The following WDPCP variants were observed in gnomAD, a reference collection of about 807,000 sequenced individuals.
WDPCP encodes the protein WD repeat containing planar cell polarity effector.
In WDPCP, 71 loss-of-function variants were observed where a neutral mutation model predicts 93.1. The observed-to-expected ratio is 0.76, with a 90% confidence interval of 0.63 to 0.93. WDPCP has a LOEUF of 0.93. Among genes scored for constraint, WDPCP ranks in the 40% least tolerant of loss-of-function variants. WDPCP has a pLI of 0.00. For missense variants in WDPCP, 844 were observed against 887.4 expected (o/e 0.95, Z 0.62); for synonymous variants, 315 against 315.0 (o/e 1.00, Z 0.00).
chr2:63,503,257 C>A (rs1380790577), intron 1 of WDPCP, among the ~76,000 whole-genome samples: 1 of 152,260 alleles, frequency 6.6e-6, no homozygotes, highest in Non-Finnish European at 1.5e-5. Context: ...TCATTACATG[C>A]AACAAATTAA....
At chr2:63,434,447 T>G (rs1181051911) in intron 8 of WDPCP, among the ~76,000 whole-genome samples, 1 of 152,194 alleles carries the variant, frequency 6.6e-6, no homozygotes, top group African/African-American at 2.4e-5. Context: ...AGCCACAGCA[T>G]CATGCATAAA....
chr2:63,191,935 A>C (rs753336128), intron 14 of WDPCP, among the ~76,000 whole-genome samples: 1 of 152,186 alleles, frequency 6.6e-6, no homozygotes, highest in Non-Finnish European at 1.5e-5. Flanking sequence ...CTTTTGTACT[A>C]TAGTGTCGGA....
chr2:63,682,653 AC>A (rs1379941740), intron 2 of WDPCP, among the ~76,000 whole-genome samples: 1 of 152,162 alleles, frequency 6.6e-6, no homozygotes, highest in African/African-American at 2.4e-5. Context: ...AACTTTCTAA[AC>A]CTAGAGAAAG....
chr2:63,536,383 T>C (rs1330657986), intron 1 of WDPCP, among the ~76,000 whole-genome samples: 2 of 152,176 alleles, frequency 1.3e-5, no homozygotes, highest in Non-Finnish European at 2.9e-5. Flanking sequence ...GGATTATAAA[T>C]CATGCTGCTA....
At chr2:63,578,150 T>C (rs1479446728) in intron 1 of WDPCP, among the ~76,000 whole-genome samples, 1 of 152,204 alleles carries the variant, frequency 6.6e-6, no homozygotes, top group African/African-American at 2.4e-5. Flanking sequence ...TAAGGCAGAC[T>C]CAATTAACAG....
At chr2:63,247,181 T>C (rs1050611752) in intron 14 of WDPCP, among the ~76,000 whole-genome samples, 1 of 152,210 alleles carries the variant, frequency 6.6e-6, no homozygotes, top group Non-Finnish European at 1.5e-5. Context: ...GCTGCTGTTT[T>C]TCTCACCCAG....
At chr2:63,770,027 T>C (rs2103942625) in intron 2 of WDPCP, among the ~76,000 whole-genome samples, 1 of 151,890 alleles carries the variant, frequency 6.6e-6, no homozygotes, top group African/African-American at 2.4e-5. Flanking sequence ...AAATTTCAAA[T>C]GATTGAAATG....
At chr2:63,480,527 TA>T (rs1290093052) in intron 6 of WDPCP, among the ~76,000 whole-genome samples, 1 of 152,056 alleles carries the variant, frequency 6.6e-6, no homozygotes, top group African/African-American at 2.4e-5. Context: ...AGTGCTGGTA[TA>T]AAAATAGGCA....
intron 14 of WDPCP, among the ~76,000 whole-genome samples, chr2:63,209,698 A>G (rs975529940): frequency 6.6e-6 from 1 of 152,214 alleles, no homozygotes; most frequent in Non-Finnish European, 1.5e-5. Context: ...CTTCAATGAC[A>G]GCATCTTTTT....
chr2:63,290,248 A>T (rs1379762604), intron 13 of WDPCP, among the ~76,000 whole-genome samples: 1 of 151,858 alleles, frequency 6.6e-6, no homozygotes, highest in Non-Finnish European at 1.5e-5. Context: ...CATTTTTTTT[A>T]AAATCCTCTT....
chr2:63,437,553 A>G lies in WDPCP; in HGVS notation c.501T>C (p.Ala167=). 6.3e-7 allele frequency: 1 copy of G among 1,585,230 alleles called. No homozygotes were observed. The highest frequency in any genetic ancestry group is 8.6e-7 in the Non-Finnish European group (1 of 1,165,516). Residue 167 remains alanine (A), a splice_region_variant and synonymous_variant, in exon 8 of 18, where the codon GCT becomes GCC. Coordinates refer to ENST00000272321, the MANE Select transcript of WDPCP (RefSeq NM_015910.7). The part of the protein sequence containing the change: ...GKLISDTISD[A]LLTDSFIILS... Reference sequence around the variant, plus strand: ...AGATGATAAAACTGTCTGTGAGAAGAGCTAAAAAACATAATTAGATATTAC... The same window carrying G: ...AGATGATAAAACTGTCTGTGAGAAGGGCTAAAAAACATAATTAGATATTAC...
At chr2:63,345,749 T>C (rs1006450012) in intron 12 of WDPCP, among the ~76,000 whole-genome samples, 1 of 152,174 alleles carries the variant, frequency 6.6e-6, no homozygotes, top group Non-Finnish European at 1.5e-5. Flanking sequence ...ATAGATGCCC[T>C]TGAGTATTCT....
intron 1 of WDPCP, among the ~76,000 whole-genome samples, chr2:63,541,856 T>C (rs1259266820): frequency 7.2e-5 from 11 of 152,194 alleles, no homozygotes; most frequent in African/African-American, 2.7e-4. Context: ...ATTCTATGTG[T>C]AACTCTCTAT....
intron 9 of WDPCP, among the ~76,000 whole-genome samples, chr2:63,409,802 A>G (rs1179498054): frequency 6.6e-6 from 1 of 152,218 alleles, no homozygotes; most frequent in Non-Finnish European, 1.5e-5. Context: ...AGAAATTCAG[A>G]GCTGGAAGAC....
At chr2:63,649,406 T>G (rs1379405193) in intron 3 of WDPCP, among the ~76,000 whole-genome samples, 1 of 152,252 alleles carries the variant, frequency 6.6e-6, no homozygotes, top group African/African-American at 2.4e-5. Flanking sequence ...GAATAATATT[T>G]CATTGTATGT....
intron 2 of WDPCP, among the ~76,000 whole-genome samples, chr2:63,705,397 C>A (rs1669132334): frequency 6.6e-6 from 1 of 152,100 alleles, no homozygotes; most frequent in Non-Finnish European, 1.5e-5. Context: ...TGTAGGGTGT[C>A]AATTTTAGAT....
chr2:63,353,936 G>T (rs950430044), intron 12 of WDPCP, among the ~76,000 whole-genome samples: 1 of 152,176 alleles, frequency 6.6e-6, no homozygotes, highest in African/African-American at 2.4e-5. Context: ...CACTGGGCAG[G>T]TCCTCCAGGT....
At chr2:63,767,594 T>C (rs1265853776) in intron 2 of WDPCP, among the ~76,000 whole-genome samples, 2 of 152,154 alleles carry the variant, frequency 1.3e-5, no homozygotes, top group African/African-American at 4.8e-5. Context: ...TGATCAATGA[T>C]GATGAACATC....
chr2:63,140,707 T>A, intron 17 of WDPCP, among the ~76,000 whole-genome samples: 1 of 152,184 alleles, frequency 6.6e-6, no homozygotes. Flanking sequence ...TCTAGGAGCT[T>A]TCTGGAGGAG....
Sources: gnomAD v4.1 joint callset for allele counts (sites outside exome capture counted in the v4.1 genomes callset) on GRCh38, gnomAD v4.1.1 for gene constraint, MANE v1.5 for transcripts, NCBI Gene and HGNC (gene_info 2026-07-23, HGNC 2026-07-21) for gene names.